Variants in HDAC2 observed in about 807,000 individuals in gnomAD.
The protein encoded by HDAC2 is YY1-associated factor 1.
Under a neutral mutation model 68.5 loss-of-function variants are expected in HDAC2, and 5 were observed. The observed-to-expected ratio is 0.07, with a 90% CI of 0.04 to 0.15. The LOEUF (loss-of-function observed/expected upper bound fraction) is 0.15, where lower values mean the gene tolerates loss of function less well. Ranked by LOEUF, HDAC2 falls within the 10% of genes least tolerant of loss-of-function variation. The pLI, the probability that HDAC2 is intolerant of heterozygous loss-of-function variation, is 1.00. For missense variants in HDAC2, 291 were observed against 600.8 expected (o/e 0.48, Z 5.39); for synonymous variants, 182 against 191.3 (o/e 0.95, Z 0.40).
At chr6:113,947,792 T>C (rs1776297927) in intron 8 of HDAC2, 1 of 152,176 alleles carries the variant, frequency 6.6e-6, no homozygotes, top group Admixed American at 6.5e-5. Flanking sequence ...ACCATAATTC[T>C]AATATAGCTG....
chr6:113,940,546 A>C lies in HDAC2; in HGVS notation c.*512T>G, dbSNP rs1776106223. ...GGCAAGGTGGTAGAATTTCTATTGC[A>C]AAGATAAGTAATAATTACTATAAAT... On this transcript the variant is annotated 3_prime_UTR_variant, in exon 14 of 14. Coordinates refer to ENST00000519065, the MANE Select transcript of HDAC2 (RefSeq NM_001527.4). 1 of 152,842 alleles carries C rather than the reference A, an allele frequency of 6.5e-6. No individual in the cohort carries two copies. The highest frequency in any genetic ancestry group is 2.1e-4 in the South Asian group (1 of 4,872). 9.5% of individuals were successfully genotyped at this position (152,842 alleles called of 1,614,324 possible). A position where few individuals can be genotyped will look rare whatever the true frequency, so the allele number is the denominator to read the frequency against.
chr6:113,946,059 G>C lies in HDAC2; in HGVS notation c.931C>G (p.Arg311Gly). The change falls in exon 9 of 14, where the codon CGA becomes GGA. Residue 311 changes from arginine to glycine, a missense_variant. Arg to Gly is a moderately radical substitution (Grantham distance 125, BLOSUM62 -2). Around this residue, in one of 2 missense-constraint regions of HDAC2, gnomAD observed 154 missense variants for 472.1 expected, o/e 0.33. Coordinates refer to ENST00000519065, the MANE Select transcript of HDAC2 (RefSeq NM_001527.4). ...GGGYTIRNVARCWTYETAVAL... is the reference protein window; with the variant it reads ...GGGYTIRNVAGCWTYETAVAL... ...ACTGCAGTCTCATATGTCCAACATCGAGCAACATTACGGATTGTGTAGCCA... is the reference window on the plus strand; with the variant it reads ...ACTGCAGTCTCATATGTCCAACATCCAGCAACATTACGGATTGTGTAGCCA... The C allele has an allele frequency of 6.2e-7, 1 of 1,612,954 alleles. No individual in the cohort carries two copies. The highest frequency in any genetic ancestry group is 8.5e-7 in the Non-Finnish European group (1 of 1,178,990).
intron 10 of HDAC2, 76 bp downstream of exon 10, chr6:113,945,286 C>A (rs1776242859): frequency 3.2e-6 from 2 of 616,638 alleles, no homozygotes; most frequent in Non-Finnish European, 5.7e-6. Context: ...AAAGACCCAT[C>A]ATACTTGGCC....
Position 113,945,335 on chromosome 6 carries a change from T to A in HDAC2, c.1091+27A>T, listed in dbSNP as rs759353759. The A allele has an allele frequency of 1.3e-5, 14 of 1,054,828 alleles. 1 individual carries two copies. Among genetic ancestry groups the A allele is most frequent in the South Asian group, 7.9e-5 (6 of 75,510 alleles). 65.3% of individuals were successfully genotyped at this position (1,054,828 alleles called of 1,614,324 possible). A position where few individuals can be genotyped will look rare whatever the true frequency, so the allele number is the denominator to read the frequency against. On this transcript the variant is annotated intron_variant, in intron 10 of 13. Transcript: ENST00000519065. ...TAAATCTTTGTCAAGATAAAATGTT[T>A]ATCAAAACAATTCAATGATTTCTTA... is the stretch of plus-strand genomic sequence containing the variant.
At chr6:113,961,314 T>C (rs1488486949) in intron 1 of HDAC2, among the ~76,000 whole-genome samples, 2 of 152,164 alleles carry the variant, frequency 1.3e-5, no homozygotes, top group Admixed American at 6.5e-5. Context: ...TTGATAACAG[T>C]ACGGGATAAA....
Position 113,946,167 on chromosome 6 carries a change from G to A in HDAC2, c.842-19C>T, listed in dbSNP as rs1163054876. ...GCATGACCTAAGACAAGAAGATTTG[G>A]GTAACAACAAAATCTGCATACTGCA... On this transcript the variant is annotated intron_variant, in intron 8 of 13. Transcript: ENST00000519065. The A allele has an allele frequency of 5.6e-6, 9 of 1,593,212 alleles. No individual in the cohort carries two copies. The highest frequency in any genetic ancestry group is 2.3e-5 in the South Asian group (2 of 87,124).
Position 113,949,155 on chromosome 6 carries a change from C to T in HDAC2, c.732+13G>A. On this transcript the variant is annotated intron_variant, in intron 7 of 13. Coordinates refer to ENST00000519065, the MANE Select transcript of HDAC2 (RefSeq NM_001527.4). ...TGAAATTCCATTCCAATTGTGAAAA[C>T]AATAATACTTACAGGCTTAAATATC... 1.9e-6 allele frequency: 3 copies of T among 1,605,044 alleles called. No individual in the cohort carries two copies. The highest frequency in any genetic ancestry group is 2.6e-6 in the Non-Finnish European group (3 of 1,171,922).
intron 11 of HDAC2, 112 bp from the exon 12 acceptor site, chr6:113,943,618 G>C: frequency 1.6e-6 from 1 of 638,190 alleles, no homozygotes; most frequent in Non-Finnish European, 2.4e-6. Flanking sequence ...TAAACGTAAA[G>C]GGTAACATGC....
Position 113,938,390 on chromosome 6 carries a change from G to C in HDAC2, c.*2668C>G, listed in dbSNP as rs1776052872. On this transcript the variant is annotated 3_prime_UTR_variant, in exon 14 of 14. Transcript: ENST00000519065. ...TGTCTTTTGTCATTTTTCTTGACTT[G>C]TCTTCTAAGTTTTTGTTGGTCCACT... 6.6e-6 allele frequency: 1 copy of C among 151,684 alleles called. No homozygotes were observed. The highest frequency in any genetic ancestry group is 1.5e-5 in the Non-Finnish European group (1 of 67,892). The allele number at this position is 151,684 out of a possible 1,614,324, so 9.4% of individuals were successfully genotyped here.
intron 1 of HDAC2, 81 bp from the exon 2 acceptor site, chr6:113,960,099 T>C (rs1582493684): frequency 1.3e-6 from 1 of 757,252 alleles, no homozygotes; most frequent in Admixed American, 2.3e-5. Context: ...TGTCTATCAT[T>C]AGAAGGCATT....
chr6:113,963,296 C>T (rs1456683167), intron 1 of HDAC2, among the ~76,000 whole-genome samples: 3 of 151,948 alleles, frequency 2.0e-5, no homozygotes, highest in Non-Finnish European at 4.4e-5. Context: ...ATTTGCCAGG[C>T]TTGTCTCAAA....
intron 2 of HDAC2, 151 bp from the exon 3 acceptor site, chr6:113,958,917 T>C (rs769519298): frequency 3.4e-5 from 23 of 677,900 alleles, no homozygotes; most frequent in African/African-American, 1.3e-4. Context: ...CCCAAACTTA[T>C]ATGTGTTTTA....
chr6:113,942,870 C>T (rs1776169183), intron 12 of HDAC2, among the ~76,000 whole-genome samples: 1 of 152,128 alleles, frequency 6.6e-6, no homozygotes, highest in African/African-American at 2.4e-5. Context: ...TCCTAGCTTT[C>T]CTCAGAGTTT....
At chr6:113,961,255 GT>G (rs1690267969) in intron 1 of HDAC2, among the ~76,000 whole-genome samples, 1 of 152,052 alleles carries the variant, frequency 6.6e-6, no homozygotes, top group South Asian at 2.1e-4. Context: ...CCTTTTGTTT[GT>G]TTAATGGAAA....
At chr6:113,970,301 G>T in intron 1 of HDAC2, 1 of 257,758 alleles carries the variant, frequency 3.9e-6, no homozygotes, top group Non-Finnish European at 6.1e-6. Context: ...AGGAGAAGAC[G>T]CTCCGGCCAG....
chr6:113,955,452 C>T (rs1283973681), intron 5 of HDAC2, among the ~76,000 whole-genome samples: 4 of 152,116 alleles, frequency 2.6e-5, no homozygotes, highest in Non-Finnish European at 5.9e-5. Flanking sequence ...ACCTCATAAT[C>T]CACCCACCTC....
Position 113,940,945 on chromosome 6 carries a change from T to C in HDAC2, c.*113A>G. The C allele has an allele frequency of 1.4e-6, 1 of 719,236 alleles. No homozygotes were observed. The highest frequency in any genetic ancestry group is 2.2e-6 in the Non-Finnish European group (1 of 447,436). 44.6% of individuals were successfully genotyped at this position (719,236 alleles called of 1,614,324 possible). A position where few individuals can be genotyped will look rare whatever the true frequency, so the allele number is the denominator to read the frequency against. On this transcript the variant is annotated 3_prime_UTR_variant, in exon 14 of 14. Transcript: ENST00000519065. ...AACGAAAAAGCCATTTGAAAATAAA[T>C]ACAGTCCATGCCAAAGTAGTATAAA...
rs1255617420 is a variant in HDAC2 at position 113,935,840 on chromosome 6, A to G, written c.*5218T>C. The G allele has an allele frequency of 1.3e-5, 2 of 152,208 alleles. No individual in the cohort carries two copies. Among genetic ancestry groups the G allele is most frequent in the Non-Finnish European group, 2.9e-5 (2 of 68,024 alleles). The allele number at this position is 152,208 out of a possible 1,614,324, so 9.4% of individuals were successfully genotyped here. A position where few individuals can be genotyped will look rare whatever the true frequency, so the allele number is the denominator to read the frequency against. ...AATCATAACTCTGCAGTGTTCAAAGACCAAAGGGGTTAGGTACTTAGTTCA... is the reference window on the plus strand; with the variant it reads ...AATCATAACTCTGCAGTGTTCAAAGGCCAAAGGGGTTAGGTACTTAGTTCA... On this transcript the variant is annotated 3_prime_UTR_variant, in exon 14 of 14. Coordinates refer to ENST00000519065, the MANE Select transcript of HDAC2 (RefSeq NM_001527.4).
chr6:113,952,521 A>G (rs1446525388), intron 6 of HDAC2, among the ~76,000 whole-genome samples: 1 of 152,236 alleles, frequency 6.6e-6, no homozygotes, highest in Non-Finnish European at 1.5e-5. Context: ...TAATCTTAAT[A>G]AAATAGTTTA....
Sources: gnomAD v4.1 joint callset for allele counts (sites outside exome capture counted in the v4.1 genomes callset) on GRCh38, gnomAD v4.1.1 for gene constraint, gnomAD v4.1.1 regional missense constraint, MANE v1.5 for transcripts, NCBI Gene and HGNC (gene_info 2026-07-23, HGNC 2026-07-21) for gene names.